CHSY3: variants seen among roughly 807,000 people sequenced by gnomAD.
CHSY3 encodes N-acetylgalactosaminyl-proteoglycan 3-beta-glucuronosyltransferase 3.
CHSY3 carries 35 observed loss-of-function variants against 67.2 expected under a neutral mutation model. The ratio of observed to expected loss-of-function variants is 0.52; its 90% CI spans 0.40 to 0.69. CHSY3 has a LOEUF of 0.69. Ranked by LOEUF, CHSY3 falls within the 30% of genes least tolerant of loss-of-function variation. The pLI is 0.00. For missense variants in CHSY3, 1,069 were observed against 1,138.5 expected (o/e 0.94, Z 0.88); for synonymous variants, 474 against 434.7 (o/e 1.09, Z -1.12).
chr5:130,131,210 C>A (rs377591713), intron 2 of CHSY3, among the ~76,000 whole-genome samples: 5 of 152,174 alleles, frequency 3.3e-5, no homozygotes, highest in African/African-American at 1.2e-4. Context: ...TTGGATACTA[C>A]AGTGTGTTCT....
chr5:130,156,833 G>C (rs1410327904), intron 2 of CHSY3, among the ~76,000 whole-genome samples: 1 of 152,198 alleles, frequency 6.6e-6, no homozygotes, highest in East Asian at 1.9e-4. Context: ...CAACAGTATG[G>C]AAACTTTTTT....
At chr5:130,131,095 C>A (rs76498279) in intron 2 of CHSY3, among the ~76,000 whole-genome samples, 6,885 of 152,246 alleles carry the variant, frequency 0.045, 429 homozygotes, top group East Asian at 0.27. Flanking sequence ...CACATATTCC[C>A]AGAAAGGACT....
At chr5:130,083,683 A>C (rs1446274166) in intron 2 of CHSY3, among the ~76,000 whole-genome samples, 1 of 152,030 alleles carries the variant, frequency 6.6e-6, no homozygotes, top group Non-Finnish European at 1.5e-5. Flanking sequence ...AGCTTTCTCC[A>C]ATGCGTCTTT....
intron 2 of CHSY3, among the ~76,000 whole-genome samples, chr5:130,055,247 T>C (rs1055787337): frequency 1.3e-5 from 2 of 151,424 alleles, no homozygotes; most frequent in African/African-American, 4.9e-5. Context: ...TGCCCTCCTT[T>C]CTGCCAATTA....
At chr5:129,908,018 T>G in intron 1 of CHSY3, 59 bp from the exon 2 acceptor site, 1 of 1,564,790 alleles carries the variant, frequency 6.4e-7, no homozygotes, top group Non-Finnish European at 8.6e-7. Context: ...CCTTACCTTG[T>G]ACATGATAAG....
intron 2 of CHSY3, among the ~76,000 whole-genome samples, chr5:130,162,057 A>AAAAAAG (rs1554087189): frequency 1.9e-3 from 234 of 122,960 alleles, no homozygotes; most frequent in African/African-American, 4.7e-3. Context: ...AAAAAAAAAA[A>AAAAAAG]AAAGAAAGAA....
At chr5:129,919,149 A>G (rs1760835708) in intron 2 of CHSY3, among the ~76,000 whole-genome samples, 1 of 150,350 alleles carries the variant, frequency 6.7e-6, no homozygotes, top group Non-Finnish European at 1.5e-5. Flanking sequence ...TTATTCTGCT[A>G]ATATATTTTT....
At chr5:130,183,850 A>G (rs1191580144) in intron 2 of CHSY3, among the ~76,000 whole-genome samples, 1 of 152,098 alleles carries the variant, frequency 6.6e-6, no homozygotes, top group Non-Finnish European at 1.5e-5. Flanking sequence ...TGATGACTAT[A>G]GTTAATAACT....
chr5:130,011,556 C>T (rs559543161), intron 2 of CHSY3, among the ~76,000 whole-genome samples: 79 of 152,244 alleles, frequency 5.2e-4, no homozygotes, highest in African/African-American at 1.8e-3. Flanking sequence ...CCTTTGAGAA[C>T]TGGAACAAGG....
chr5:130,108,775 G>A (rs1485690601), intron 2 of CHSY3, among the ~76,000 whole-genome samples: 2 of 151,600 alleles, frequency 1.3e-5, no homozygotes, highest in Non-Finnish European at 3.0e-5. Context: ...CAACTTCAAA[G>A]CAGATGCACA....
At chr5:129,942,359 T>C (rs1662132810) in intron 2 of CHSY3, among the ~76,000 whole-genome samples, 1 of 152,208 alleles carries the variant, frequency 6.6e-6, no homozygotes, top group South Asian at 2.1e-4. Context: ...TATTTTCTTA[T>C]AAATGTTGAT....
At chr5:130,071,105 C>A (rs1021859076) in intron 2 of CHSY3, among the ~76,000 whole-genome samples, 4 of 151,862 alleles carry the variant, frequency 2.6e-5, no homozygotes, top group Non-Finnish European at 5.9e-5. Context: ...AGTGTGGTAT[C>A]CAATCTAGTG....
Position 130,185,841 on chromosome 5 carries a change from T to C in CHSY3, c.*50T>C, listed in dbSNP as rs764013289. ...TTTTTAAGGGGAGTTTACCTCATTG[T>C]TGGTTGTTGTTATTTTTATTGTATT... On this transcript the variant is annotated 3_prime_UTR_variant, in exon 3 of 3. Transcript: ENST00000305031. 7 of 1,135,776 alleles carry C rather than the reference T, an allele frequency of 6.2e-6. No homozygotes were observed. The highest frequency in any genetic ancestry group is 8.5e-6 in the Non-Finnish European group (7 of 821,590). The allele number at this position is 1,135,776 out of a possible 1,614,324, so 70.4% of individuals were successfully genotyped here.
chr5:130,098,979 A>G (rs1767140276), intron 2 of CHSY3, among the ~76,000 whole-genome samples: 1 of 152,176 alleles, frequency 6.6e-6, no homozygotes, highest in Admixed American at 6.6e-5. Context: ...CTTGCAGCAC[A>G]ACCCTAAATA....
intron 2 of CHSY3, among the ~76,000 whole-genome samples, chr5:130,129,354 T>C (rs1768406122): frequency 6.6e-6 from 1 of 152,156 alleles, no homozygotes; most frequent in Non-Finnish European, 1.5e-5. Flanking sequence ...TGCCAGAATC[T>C]CTACTCATGA....
intron 2 of CHSY3, among the ~76,000 whole-genome samples, chr5:130,062,656 CAGA>C (rs1396779100): frequency 1.3e-5 from 2 of 151,928 alleles, no homozygotes; most frequent in African/African-American, 2.4e-5. Flanking sequence ...AAAGTAATTT[CAGA>C]GGAAATTCAT....
intron 2 of CHSY3, among the ~76,000 whole-genome samples, chr5:130,112,106 G>A (rs1189969237): frequency 6.6e-6 from 1 of 152,084 alleles, no homozygotes; most frequent in Non-Finnish European, 1.5e-5. Context: ...AGCTGCATCT[G>A]TGTTTTTGGA....
At chr5:129,954,001 A>G (rs1762098979) in intron 2 of CHSY3, among the ~76,000 whole-genome samples, 1 of 152,082 alleles carries the variant, frequency 6.6e-6, no homozygotes, top group Non-Finnish European at 1.5e-5. Context: ...TGAGTTGTCA[A>G]TTTTGGCTTT....
At chr5:130,166,419 G>T (rs541474449) in intron 2 of CHSY3, among the ~76,000 whole-genome samples, 4 of 152,058 alleles carry the variant, frequency 2.6e-5, no homozygotes, top group Admixed American at 1.3e-4. Context: ...TCTTTTTGTG[G>T]TGACAACTTT....
Sources: gnomAD v4.1 joint callset for allele counts (sites outside exome capture counted in the v4.1 genomes callset) on GRCh38, gnomAD v4.1.1 for gene constraint, MANE v1.5 for transcripts, NCBI Gene and HGNC (gene_info 2026-07-23, HGNC 2026-07-21) for gene names.